The following MYO5B variants were observed in gnomAD, a reference collection of about 807,000 sequenced individuals.
MYO5B encodes the protein unconventional myosin-Vb.
A neutral mutation model predicts 229.3 loss-of-function variants in MYO5B; 143 were observed. That is an observed-to-expected ratio of 0.62 (90% confidence interval 0.54 to 0.72). The LOEUF (loss-of-function observed/expected upper bound fraction) is 0.72, where lower values mean the gene tolerates loss of function less well. MYO5B is among the 30% of genes least tolerant of loss of function. The probability of loss-of-function intolerance (pLI) is 0.00; values close to 1 mark genes in which losing one functional copy is unlikely to be tolerated. For missense variants in MYO5B, 2,321 were observed against 2,331.0 expected (o/e 1.00, Z 0.09); for synonymous variants, 918 against 885.2 (o/e 1.04, Z -0.66).
In MYO5B at chr18:49,906,611, A is replaced by G; in HGVS notation, c.2222T>C (p.Phe741Ser). 1.2e-6 allele frequency: 2 copies of G among 1,614,002 alleles called. No individual in the cohort carries two copies. The highest frequency in any genetic ancestry group is 1.1e-5 in the South Asian group (1 of 91,078). ...TCGAAAGAAGATCTTGGTGCGGCCA[A>G]ACTGGAACTTGTCGGGGTCCTTTAC... Reference protein sequence around the residue: ...NLIKDPDKFQFGRTKIFFRAG... With the variant: ...NLIKDPDKFQSGRTKIFFRAG... Residue 741 changes from phenylalanine (F) to serine (S), a missense_variant, in exon 19 of 40, where the codon TTT becomes TCT. Physicochemically the swap from Phe to Ser is radical, Grantham distance 155. Coordinates refer to ENST00000285039, the MANE Select transcript of MYO5B (RefSeq NM_001080467.3).
At chr18:49,892,543 G>C (rs1391302946) in intron 22 of MYO5B, among the ~76,000 whole-genome samples, 1 of 152,190 alleles carries the variant, frequency 6.6e-6, no homozygotes, top group Non-Finnish European at 1.5e-5. Flanking sequence ...TGCTTGGCTG[G>C]TCTCATCAAT....
At chr18:50,030,313 T>C (rs2026373476) in intron 4 of MYO5B, among the ~76,000 whole-genome samples, 1 of 148,828 alleles carries the variant, frequency 6.7e-6, no homozygotes, top group Non-Finnish European at 1.5e-5. Flanking sequence ...ATTTCCACAA[T>C]CAGGAATTTC....
At chr18:50,076,920 T>C (rs17659822) in intron 1 of MYO5B, among the ~76,000 whole-genome samples, 45,087 of 117,054 alleles carry the variant, frequency 0.39, 7,709 homozygotes, top group Non-Finnish European at 0.46. Context: ...ACTAAAAAAC[T>C]GATGTTGCAA....
intron 17 of MYO5B, among the ~76,000 whole-genome samples, chr18:49,916,588 C>T (rs577026520): frequency 7.2e-5 from 11 of 152,340 alleles, no homozygotes; most frequent in Non-Finnish European, 1.3e-4. Flanking sequence ...TCACACACAG[C>T]TGTACCACAG....
At chr18:49,877,719 C>T (rs375064300) in intron 25 of MYO5B, 44 bp downstream of exon 25, 2 of 1,612,628 alleles carry the variant, frequency 1.2e-6, no homozygotes, top group Non-Finnish European at 1.7e-6. Context: ...AAAACACACA[C>T]TCCCTCTGGA....
chr18:50,159,862 G>A (rs943678140), intron 1 of MYO5B, among the ~76,000 whole-genome samples: 1 of 152,194 alleles, frequency 6.6e-6, no homozygotes, highest in Non-Finnish European at 1.5e-5. Flanking sequence ...TGCCTGTGCT[G>A]CTGCTGCCCT....
Position 49,887,703 on chromosome 18 carries a change from T to C in MYO5B, c.3045+7238A>G, listed in dbSNP as rs543506745. On this transcript the variant is annotated intron_variant, in intron 22 of 39. Coordinates refer to ENST00000285039, the MANE Select transcript of MYO5B (RefSeq NM_001080467.3). ...CAGGTGTTTCTTTTGTTTTTTGAGA[T>C]GGAGTCTCCCTCTGTCACCCAGACT... Among the ~76,000 whole-genome samples, 24 of 152,258 alleles carry C rather than the reference T, an allele frequency of 1.6e-4. No homozygotes were observed. In the South Asian group the frequency reaches 4.0e-3, roughly 25 times the overall value.
At chr18:49,954,485 A>G (rs1375565221) in intron 12 of MYO5B, 50 bp from the exon 13 acceptor site, 1 of 1,612,334 alleles carries the variant, frequency 6.2e-7, no homozygotes, top group Admixed American at 1.7e-5. Context: ...GGAAGAAGGA[A>G]GCCCTGGGTT....
At position 50,172,983 on chromosome 18, in the gene MYO5B, G is replaced by A. The variant is rs531153600; in HGVS notation, c.27+21784C>T. On this transcript the variant is annotated intron_variant, in intron 1 of 39. Transcript: ENST00000285039. ...TCAGTGAACAAAGAAGCCAGTGTGG[G>A]CCAGGCGCAGTGGCTCACACCTGTA... is the stretch of plus-strand genomic sequence containing the variant. Among the ~76,000 whole-genome samples, 4 of 152,326 alleles carry A rather than the reference G, an allele frequency of 2.6e-5. No homozygotes were observed. The South Asian group carries it at 8.3e-4, about 32-fold the overall frequency.
intron 2 of MYO5B, among the ~76,000 whole-genome samples, chr18:50,042,464 C>A (rs901849966): frequency 1.6e-4 from 25 of 152,216 alleles, no homozygotes; most frequent in African/African-American, 6.0e-4. Context: ...ATTAATGAAG[C>A]CTCTTTTTTT....
At chr18:50,155,474 A>G (rs919328872) in intron 1 of MYO5B, among the ~76,000 whole-genome samples, 4 of 152,230 alleles carry the variant, frequency 2.6e-5, no homozygotes, top group Non-Finnish European at 5.9e-5. Context: ...ATTTTGAGAT[A>G]AAAAACAAAA....
chr18:50,190,896 T>C (rs1490920818), intron 1 of MYO5B, among the ~76,000 whole-genome samples: 1 of 152,338 alleles, frequency 6.6e-6, no homozygotes, highest in East Asian at 1.9e-4. Context: ...TAAATGCTGT[T>C]AGCATAATGG....
rs374798729 is a variant in MYO5B at position 49,843,277 on chromosome 18, C to G, written c.4575G>C (p.Leu1525=). 6.2e-7 allele frequency: 1 copy of G among 1,614,174 alleles called. No individual in the cohort carries two copies. The highest frequency in any genetic ancestry group is 8.5e-7 in the Non-Finnish European group (1 of 1,180,040). ...TNDDLKVHSL[L]TSTINGIKKV... ...TCTTAATGCCGTTGATGGTGGAGGT[C>G]AGCAGGGAGTGCACCTTGAGATCGT... The change falls in exon 34 of 40, where the codon CTG becomes CTC. Residue 1525 remains leucine (L), a synonymous_variant. Transcript: ENST00000285039.
rs1322782610 is a variant in MYO5B at position 50,055,284 on chromosome 18, C to T, written c.122G>A (p.Arg41Lys). Reference sequence around the variant, plus strand: ...CACTCTTACCGTTTCATCCTCCAGTCTGAGCTGTAGGCTCTTGTCTCCTTC... The same window carrying T: ...CACTCTTACCGTTTCATCCTCCAGTTTGAGCTGTAGGCTCTTGTCTCCTTC... ...YKEGDKSLQL[R>K]LEDETILEYP... Residue 41 changes from arginine to lysine, a missense_variant, in exon 2 of 40, where the codon AGA becomes AAA. By Grantham distance (26) the Arg-to-Lys change is conservative. This residue lies in a region of MYO5B where 2,113 missense variants were observed against 2,044.7 expected (regional missense o/e 1.03). Transcript: ENST00000285039. 1 of 1,517,156 alleles carries T rather than the reference C, an allele frequency of 6.6e-7. No individual in the cohort carries two copies. Among genetic ancestry groups the T allele is most frequent in the Admixed American group, 1.8e-5 (1 of 56,108 alleles). 94.0% of individuals were successfully genotyped at this position (1,517,156 alleles called of 1,614,324 possible). A position where few individuals can be genotyped will look rare whatever the true frequency, so the allele number is the denominator to read the frequency against.
At chr18:49,936,465 A>G (rs1055788631) in intron 15 of MYO5B, 116 bp from the exon 16 acceptor site, 5 of 821,566 alleles carry the variant, frequency 6.1e-6, no homozygotes, top group Non-Finnish European at 1.0e-5. Context: ...TTAATCCAGA[A>G]GGATGGAAGA....
At chr18:49,971,078 GTCT>G (rs2025686438) in intron 10 of MYO5B, 2 of 152,244 alleles carry the variant, frequency 1.3e-5, no homozygotes, top group Non-Finnish European at 1.5e-5. Flanking sequence ...TGGACAGATG[GTCT>G]TCTCCTCCAG....
chr18:49,914,168 A>C (rs1302409292), intron 17 of MYO5B, among the ~76,000 whole-genome samples: 1 of 152,162 alleles, frequency 6.6e-6, no homozygotes, highest in Non-Finnish European at 1.5e-5. Context: ...ACACTGTGAC[A>C]CTGGGGCTTC....
intron 1 of MYO5B, among the ~76,000 whole-genome samples, chr18:50,068,723 C>T (rs1429309057): frequency 3.3e-5 from 5 of 152,144 alleles, no homozygotes; most frequent in African/African-American, 9.7e-5. Flanking sequence ...CAATAAGTTA[C>T]CAAGGCACAC....
intron 1 of MYO5B, among the ~76,000 whole-genome samples, chr18:50,185,812 T>C (rs78889079): frequency 1.3e-5 from 2 of 151,830 alleles, no homozygotes; most frequent in Admixed American, 6.6e-5. Flanking sequence ...AGTACATCCA[T>C]ATGCTGCCTT....
Sources: allele counts gnomAD v4.1 joint callset (sites outside exome capture counted in the v4.1 genomes callset), GRCh38; gene constraint gnomAD v4.1.1; regional missense constraint gnomAD v4.1.1; transcripts MANE v1.5; gene names NCBI Gene and HGNC (gene_info 2026-07-23, HGNC 2026-07-21).